KLHL32: variants seen among roughly 807,000 people sequenced by gnomAD.
The protein encoded by KLHL32 is kelch-like protein 32.
In KLHL32, 35 loss-of-function variants were observed where a neutral mutation model predicts 64.8. That is an observed-to-expected ratio of 0.54 (90% CI 0.41 to 0.72). KLHL32 has a LOEUF of 0.72. Ranked by LOEUF, KLHL32 falls within the 30% of genes least tolerant of loss-of-function variation. The probability of loss-of-function intolerance (pLI) is 0.00; values close to 1 mark genes in which losing one functional copy is unlikely to be tolerated. For missense variants in KLHL32, 589 were observed against 768.5 expected (o/e 0.77, Z 2.76); for synonymous variants, 259 against 281.0 (o/e 0.92, Z 0.78).
chr6:97,054,598 G>A (rs1224810999), intron 4 of KLHL32, among the ~76,000 whole-genome samples: 1 of 152,232 alleles, frequency 6.6e-6, no homozygotes, highest in African/African-American at 2.4e-5. Flanking sequence ...TCAGGTAGGA[G>A]AATGGATAAT....
At chr6:96,942,324 A>G (rs1377065132) in intron 1 of KLHL32, among the ~76,000 whole-genome samples, 1 of 152,030 alleles carries the variant, frequency 6.6e-6, no homozygotes, top group African/African-American at 2.4e-5. Context: ...GATGCCCAAC[A>G]TGCTTCTTCA....
In KLHL32 at chr6:96,925,724, A is replaced by G. The variant is rs74977491; in HGVS notation, c.-66+698A>G. 3.2e-4 allele frequency among the ~76,000 whole-genome samples: 48 copies of G among 152,370 alleles called. No homozygotes were observed. In the East Asian group the frequency reaches 8.9e-3, roughly 28 times the overall value. ...ACAGGAATACGTTTGTGAATTCGTA[A>G]CGTAAGAAGGTAGCATTCATGACAT... On this transcript the variant is annotated intron_variant, in intron 1 of 10. Transcript: ENST00000369261.
chr6:96,938,559 C>G (rs1203191524), intron 1 of KLHL32, among the ~76,000 whole-genome samples: 3 of 152,184 alleles, frequency 2.0e-5, no homozygotes, highest in Middle Eastern at 3.2e-3. Flanking sequence ...GTGGACCACA[C>G]TGTTCACCAG....
At chr6:96,932,286 C>A (rs577091821) in intron 1 of KLHL32, among the ~76,000 whole-genome samples, 1 of 148,068 alleles carries the variant, frequency 6.8e-6, no homozygotes. Flanking sequence ...CATTAATTAC[C>A]TACAATCTGA....
chr6:96,984,130 G>C (rs12206961), intron 3 of KLHL32, among the ~76,000 whole-genome samples: 1 of 151,984 alleles, frequency 6.6e-6, no homozygotes, highest in African/African-American at 2.4e-5. Flanking sequence ...CCTTCATTTC[G>C]TTATATGCCC....
At chr6:96,950,861 A>G (rs1357412415) in intron 1 of KLHL32, among the ~76,000 whole-genome samples, 2 of 152,180 alleles carry the variant, frequency 1.3e-5, no homozygotes, top group African/African-American at 4.8e-5. Flanking sequence ...TGATTCCACA[A>G]CAGAAGACAT....
At chr6:97,040,059 A>C (rs932825220) in intron 3 of KLHL32, among the ~76,000 whole-genome samples, 1 of 152,160 alleles carries the variant, frequency 6.6e-6, no homozygotes, top group Non-Finnish European at 1.5e-5. Context: ...TAAAAGATGA[A>C]TATTGATACA....
chr6:96,997,435 C>T (rs909324102), intron 3 of KLHL32, among the ~76,000 whole-genome samples: 1 of 152,094 alleles, frequency 6.6e-6, no homozygotes, highest in Admixed American at 6.6e-5. Context: ...GTCTTATTTC[C>T]TCAGAAAGTG....
At chr6:96,984,013 A>G (rs1006815437) in intron 3 of KLHL32, among the ~76,000 whole-genome samples, 2 of 152,278 alleles carry the variant, frequency 1.3e-5, no homozygotes, top group African/African-American at 4.8e-5. Context: ...TCTTGTGGGC[A>G]TTTAGTGGTA....
chr6:97,058,508 T>C (rs527550719), intron 4 of KLHL32, among the ~76,000 whole-genome samples: 5 of 152,348 alleles, frequency 3.3e-5, no homozygotes, highest in Non-Finnish European at 5.9e-5. Context: ...TCCTCTTTTT[T>C]CTTTATATAG....
intron 3 of KLHL32, among the ~76,000 whole-genome samples, chr6:97,001,497 G>A (rs1779029657): frequency 6.6e-6 from 1 of 151,956 alleles, no homozygotes; most frequent in Non-Finnish European, 1.5e-5. Flanking sequence ...TTTGAGACAG[G>A]GTCTTTATCA....
intron 1 of KLHL32, among the ~76,000 whole-genome samples, chr6:96,935,801 T>C (rs1770525634): frequency 6.6e-6 from 1 of 152,184 alleles, no homozygotes; most frequent in African/African-American, 2.4e-5. Flanking sequence ...AAAATCTCTG[T>C]TTTACATCAG....
At chr6:97,102,878 G>A (rs188406692) in intron 6 of KLHL32, among the ~76,000 whole-genome samples, 1 of 151,768 alleles carries the variant, frequency 6.6e-6, no homozygotes, top group Non-Finnish European at 1.5e-5. Context: ...ACACGTGAAG[G>A]TTTCTTATAT....
At chr6:97,102,686 T>G (rs1484324554) in intron 6 of KLHL32, among the ~76,000 whole-genome samples, 3 of 152,156 alleles carry the variant, frequency 2.0e-5, no homozygotes, top group Non-Finnish European at 4.4e-5. Flanking sequence ...ACTGTACATG[T>G]GTTTTGCTCA....
At chr6:96,904,123 C>T in the KLHL32 span, among the ~76,000 whole-genome samples, 4 of 152,020 alleles carry the variant, frequency 2.6e-5, no homozygotes, top group African/African-American at 7.2e-5. Context: ...AGGCAGATTA[C>T]CTGAGGTCAG....
intron 6 of KLHL32, chr6:97,105,345 C>A (rs540215751): frequency 6.9e-6 from 3 of 432,714 alleles, no homozygotes; most frequent in Non-Finnish European, 1.4e-5. Context: ...TCTTGTTGCC[C>A]AAGAGCTCAT....
chr6:96,989,598 A>G (rs1777600240), intron 3 of KLHL32, among the ~76,000 whole-genome samples: 1 of 152,162 alleles, frequency 6.6e-6, no homozygotes, highest in South Asian at 2.1e-4. Flanking sequence ...CGTCTTGTAT[A>G]GTATCTTGCA....
chr6:97,074,750 C>T lies in KLHL32; in HGVS notation c.411+10024C>T, dbSNP rs192522618. 3.9e-5 allele frequency among the ~76,000 whole-genome samples: 6 copies of T among 151,948 alleles called. No individual in the cohort carries two copies. In the East Asian group the frequency reaches 9.7e-4, roughly 24 times the overall value. The stretch of plus-strand genomic sequence containing the variant: ...GAAATAGATGATAATGACTTCTATA[C>T]TATTCTTTTAAACATTTTTAAACTG... On this transcript the variant is annotated intron_variant, in intron 5 of 10. Coordinates refer to ENST00000369261, the MANE Select transcript of KLHL32 (RefSeq NM_052904.4).
chr6:96,914,833 C>A, the KLHL32 span: 1 of 152,182 alleles, frequency 6.6e-6, no homozygotes, highest in South Asian at 2.1e-4. Context: ...CCTAGGCAAC[C>A]TGGTGGTTCC....
Sources: gnomAD v4.1 joint callset for allele counts (sites outside exome capture counted in the v4.1 genomes callset) on GRCh38, gnomAD v4.1.1 for gene constraint, MANE v1.5 for transcripts, NCBI Gene and HGNC (gene_info 2026-07-23, HGNC 2026-07-21) for gene names.